The following UNC13B variants were observed in gnomAD, a reference collection of about 807,000 sequenced individuals.
The protein encoded by UNC13B is protein unc-13 homolog B.
A neutral mutation model predicts 211.0 loss-of-function variants in UNC13B; 144 were observed. The observed-to-expected ratio is 0.68, with a 90% confidence interval of 0.60 to 0.78. UNC13B has a LOEUF of 0.78. Among genes scored for constraint, UNC13B ranks in the 30% least tolerant of loss-of-function variants. The pLI is 0.00. For missense variants in UNC13B, 1,777 were observed against 2,002.0 expected, an observed-to-expected ratio of 0.89 and a Z score of 2.14; for synonymous variants, 709 against 725.8, an observed-to-expected ratio of 0.98 and a Z score of 0.37.
intron 1 of UNC13B, among the ~76,000 whole-genome samples, chr9:35,181,382 C>T (rs561458534): frequency 3.7e-4 from 57 of 152,204 alleles, no homozygotes; most frequent in African/African-American, 1.2e-3. Flanking sequence ...GATCTAGAAG[C>T]TGTGTTTTAT....
chr9:35,351,822 A>G (rs544921836), intron 11 of UNC13B: 2 of 1,232,266 alleles, frequency 1.6e-6, no homozygotes, highest in Admixed American at 4.2e-5. Flanking sequence ...TCTGGTTCTC[A>G]GGATCCCTCA....
chr9:35,399,868 C>T (rs1231613844), intron 36 of UNC13B, 139 bp downstream of exon 36: 3 of 842,966 alleles, frequency 3.6e-6, no homozygotes, highest in Non-Finnish European at 3.8e-6. Context: ...GCCAAGGATA[C>T]AGAATCAGAT....
intron 7 of UNC13B, among the ~76,000 whole-genome samples, chr9:35,280,678 AAG>A (rs1828433752): frequency 1.3e-5 from 2 of 152,202 alleles, no homozygotes; most frequent in Non-Finnish European, 1.5e-5. Context: ...CTAAAAAGAA[AAG>A]AGAGAAACTA....
intron 12 of UNC13B, among the ~76,000 whole-genome samples, chr9:35,368,174 T>C (rs943592580): frequency 1.3e-5 from 2 of 152,200 alleles, no homozygotes; most frequent in African/African-American, 4.8e-5. Flanking sequence ...CCAAGTACTA[T>C]AACAATAGTT....
intron 11 of UNC13B, among the ~76,000 whole-genome samples, chr9:35,345,277 G>A (rs2132033864): frequency 6.6e-6 from 1 of 152,226 alleles, no homozygotes; most frequent in Non-Finnish European, 1.5e-5. Context: ...TTGTAGTGAG[G>A]GTGAACAATT....
chr9:35,335,964 A>C (rs59138324), intron 11 of UNC13B, among the ~76,000 whole-genome samples: 10,962 of 152,070 alleles, frequency 0.072, 645 homozygotes, highest in African/African-American at 0.16. Context: ...CAGCCTCCAT[A>C]AGTGGTGGGA....
At chr9:35,230,902 AAAT>A (rs1252461233) in intron 2 of UNC13B, among the ~76,000 whole-genome samples, 1 of 152,218 alleles carries the variant, frequency 6.6e-6, no homozygotes, top group Non-Finnish European at 1.5e-5. Context: ...AAAATTAAAA[AAAT>A]AGTATTTTAG....
chr9:35,369,275 C>G (rs1833969415), intron 12 of UNC13B, among the ~76,000 whole-genome samples: 2 of 152,156 alleles, frequency 1.3e-5, no homozygotes, highest in Admixed American at 6.5e-5. Flanking sequence ...TACAGCCCAG[C>G]TACCCAACTT....
Position 35,403,234 on chromosome 9 carries a change from T to C in UNC13B, c.12552T>C (p.Thr4184=), listed in dbSNP as rs1587788692. ...IQVDLFTHPG[T]GEHKVTVKVV... is the part of the protein sequence containing the mutation. ...TGGACTTGTTTACACACCCTGGTAC[T>C]GGGGAGCACAAGGTCACAGTGAAAG... Residue 4184 remains threonine (T), a synonymous_variant, in exon 38 of 40, where the codon ACT becomes ACC. Coordinates refer to ENST00000635942, the MANE Select transcript of UNC13B (RefSeq NM_001371189.2). The C allele has an allele frequency of 1.9e-6, 3 of 1,614,178 alleles. No individual in the cohort carries two copies. The highest frequency in any genetic ancestry group is 2.5e-6 in the Non-Finnish European group (3 of 1,179,988).
At chr9:35,225,624 A>G (rs1824791265) in intron 1 of UNC13B, among the ~76,000 whole-genome samples, 1 of 151,228 alleles carries the variant, frequency 6.6e-6, no homozygotes, top group South Asian at 2.1e-4. Context: ...GCAGTAGTGT[A>G]GTCTCCGTAT....
chr9:35,259,250 G>C lies in UNC13B; in HGVS notation c.526+200G>C, dbSNP rs144198938. 2.0e-4 allele frequency among the ~76,000 whole-genome samples: 31 copies of C among 152,188 alleles called. No individual in the cohort carries two copies. In the East Asian group the frequency reaches 5.8e-3, roughly 28 times the overall value. On this transcript the variant is annotated intron_variant, in intron 7 of 39. Coordinates refer to ENST00000635942, the MANE Select transcript of UNC13B (RefSeq NM_001371189.2). ...AGGGAGACGTTTTTCGGTTTTGTAT[G>C]GGGGGAGTAGGGCTCATCTTTTTTT...
At chr9:35,400,199 A>G (rs1836201455) in intron 36 of UNC13B, 97 bp from the exon 37 acceptor site, 2 of 1,524,386 alleles carry the variant, frequency 1.3e-6, no homozygotes, top group South Asian at 1.3e-5. Context: ...TGAACAGCCT[A>G]TTCTCACAGT....
chr9:35,282,143 A>G (rs549893672), intron 7 of UNC13B, among the ~76,000 whole-genome samples: 4 of 152,358 alleles, frequency 2.6e-5, no homozygotes, highest in Admixed American at 1.3e-4. Flanking sequence ...ATGGTAGAAT[A>G]TAACACAGAT....
chr9:35,386,087 G>T, intron 23 of UNC13B, 78 bp from the exon 24 acceptor site: 1 of 1,591,110 alleles, frequency 6.3e-7, no homozygotes, highest in Non-Finnish European at 8.6e-7. Context: ...ATCTAGAGTA[G>T]GTTTGGGGTA....
At chr9:35,315,532 T>C (rs946206560) in intron 11 of UNC13B, among the ~76,000 whole-genome samples, 4 of 152,134 alleles carry the variant, frequency 2.6e-5, no homozygotes, top group Admixed American at 1.3e-4. Flanking sequence ...TGAGAGAAAA[T>C]TGGAGACATG....
Position 35,384,329 on chromosome 9 carries a change from G to A in UNC13B, c.10875+15G>A, listed in dbSNP as rs369662233. The stretch of plus-strand genomic sequence containing the variant: ...CTACATACAGGGTGAGTGAAGACAC[G>A]GCTGTGGGCAGGATAATAGATATCA... On this transcript the variant is annotated intron_variant, in intron 22 of 39. Coordinates refer to ENST00000635942, the MANE Select transcript of UNC13B (RefSeq NM_001371189.2). 2.5e-5 allele frequency: 40 copies of A among 1,613,054 alleles called. No homozygotes were observed. The highest frequency in any genetic ancestry group is 4.4e-5 in the South Asian group (4 of 90,978).
Position 35,403,474 on chromosome 9 carries a change from G to C in UNC13B, c.12612G>C (p.Ala4204=). 1.2e-6 allele frequency: 2 copies of C among 1,614,046 alleles called. No individual in the cohort carries two copies. The highest frequency in any genetic ancestry group is 1.7e-6 in the Non-Finnish European group (2 of 1,180,030). ...VAANDLKWQT[A]GMFRPFVEVT... is the part of the protein sequence containing the mutation. ...CCAATGACCTCAAGTGGCAGACAGC[G>C]GGTATGTTCCGGCCTTTCGTGGAGG... Residue 4204 remains alanine (A), a synonymous_variant, in exon 39 of 40, where the codon GCG becomes GCC. Coordinates refer to ENST00000635942, the MANE Select transcript of UNC13B (RefSeq NM_001371189.2).
At chr9:35,165,840 G>A (rs141261463) in intron 1 of UNC13B, among the ~76,000 whole-genome samples, 47 of 152,060 alleles carry the variant, frequency 3.1e-4, no homozygotes, top group African/African-American at 1.1e-3. Flanking sequence ...CTTATAATAC[G>A]GATACTTTTT....
chr9:35,174,254 C>T (rs908558898), intron 1 of UNC13B, among the ~76,000 whole-genome samples: 3 of 151,436 alleles, frequency 2.0e-5, no homozygotes, highest in East Asian at 2.0e-4. Flanking sequence ...ACTTCCAGGG[C>T]TCAGGTGATT....
Sources: gnomAD v4.1 joint callset for allele counts (sites outside exome capture counted in the v4.1 genomes callset) on GRCh38, gnomAD v4.1.1 for gene constraint, MANE v1.5 for transcripts, NCBI Gene and HGNC (gene_info 2026-07-23, HGNC 2026-07-21) for gene names.